Variants in KIF24 observed in about 807,000 individuals in gnomAD.
KIF24 encodes kinesin family member 24.
In KIF24, 81 loss-of-function variants were observed where a neutral mutation model predicts 118.9. The observed-to-expected ratio is 0.68, with a 90% CI of 0.57 to 0.82. The LOEUF is 0.82. KIF24 is among the 40% of genes least tolerant of loss of function. KIF24 has a pLI of 0.00. For synonymous variants in KIF24, 599 were observed against 610.0 expected (o/e 0.98, Z 0.27); for missense variants, 1,560 against 1,661.6 (o/e 0.94, Z 1.06).
Position 34,318,711 on chromosome 9 carries a change from G to A in KIF24, c.-25-7340C>T, listed in dbSNP as rs1383472671. 12 of 1,505,920 alleles carry A rather than the reference G, an allele frequency of 8.0e-6. No homozygotes were observed. Among genetic ancestry groups the A allele is most frequent in the East Asian group, 4.7e-5 (2 of 42,898 alleles). The allele number at this position is 1,505,920 out of a possible 1,614,324, so 93.3% of individuals were successfully genotyped here. A position where few individuals can be genotyped will look rare whatever the true frequency, so the allele number is the denominator to read the frequency against. ...GCAGTGCTGAGTGCCAAGCAGCTGA[G>A]CGACGAGGAGGTGCACGCCGGCGTG... On this transcript the variant is annotated intron_variant, in intron 1 of 12. Coordinates refer to ENST00000402558, the MANE Select transcript of KIF24 (RefSeq NM_194313.4). The surrounding 1 kb of genome is among the most constrained non-coding windows in gnomAD (Gnocchi z 4.9).
At chr9:34,277,009 T>A (rs1835680857) in intron 6 of KIF24, among the ~76,000 whole-genome samples, 1 of 152,226 alleles carries the variant, frequency 6.6e-6, no homozygotes. Context: ...TTACACAGGC[T>A]GGGATGCGAT....
At chr9:34,312,418 G>A (rs1479586564) in intron 1 of KIF24, among the ~76,000 whole-genome samples, 1 of 152,112 alleles carries the variant, frequency 6.6e-6, no homozygotes, top group Admixed American at 6.5e-5. Flanking sequence ...AAGTTCATGA[G>A]AATATCCAAA....
chr9:34,324,248 A>G (rs1837606485), intron 1 of KIF24, among the ~76,000 whole-genome samples: 1 of 152,232 alleles, frequency 6.6e-6, no homozygotes, highest in Non-Finnish European at 1.5e-5. Flanking sequence ...TCCACAGTCG[A>G]GCATCTGAAC....
chr9:34,259,658 G>A lies in KIF24; in HGVS notation c.1563C>T (p.Ala521=). 3.7e-6 allele frequency: 6 copies of A among 1,613,974 alleles called. No individual in the cohort carries two copies. Among genetic ancestry groups the A allele is most frequent in the Non-Finnish European group, 5.1e-6 (6 of 1,179,860 alleles). ...TGGCCACGTGGCTTGGTGAGATGTT[G>A]GCGATCATGCAGGTTTTGGCATTGC... ...FIGNAKTCMI[A]NISPSHVATE... Residue 521 remains alanine (A), a synonymous_variant, in exon 10 of 13, where the codon GCC becomes GCT. Coordinates refer to ENST00000402558, the MANE Select transcript of KIF24 (RefSeq NM_194313.4).
rs1397780693 is a variant in KIF24 at position 34,318,696 on chromosome 9, G to A, written c.-25-7325C>T. On this transcript the variant is annotated intron_variant, in intron 1 of 12. Coordinates refer to ENST00000402558, the MANE Select transcript of KIF24 (RefSeq NM_194313.4). The surrounding 1 kb of genome is among the most constrained non-coding windows in gnomAD (Gnocchi z 4.9). ...GCGTCGGAGGCCAAGGCAGTGCTGA[G>A]TGCCAAGCAGCTGAGCGACGAGGAG... The A allele has an allele frequency of 9.8e-6, 15 of 1,533,326 alleles. No individual in the cohort carries two copies. Among genetic ancestry groups the A allele is most frequent in the Non-Finnish European group, 1.3e-5 (15 of 1,128,726 alleles). 95.0% of individuals were successfully genotyped at this position (1,533,326 alleles called of 1,614,324 possible).
chr9:34,293,502 C>T (rs891128758), intron 4 of KIF24, among the ~76,000 whole-genome samples: 1 of 145,894 alleles, frequency 6.9e-6, no homozygotes, highest in Non-Finnish European at 1.5e-5. Context: ...AGGCCGGACG[C>T]GGTGGCTCAG....
chr9:34,315,609 T>C (rs559954143), intron 1 of KIF24, among the ~76,000 whole-genome samples: 10 of 152,364 alleles, frequency 6.6e-5, no homozygotes, highest in African/African-American at 2.4e-4. Context: ...GGTTCTGCCT[T>C]GTACTACTGT....
In KIF24 at chr9:34,310,862, T is replaced by C. The variant is rs776141190; in HGVS notation, c.485A>G (p.Tyr162Cys). 8.1e-6 allele frequency: 13 copies of C among 1,613,890 alleles called. No individual in the cohort carries two copies. Among genetic ancestry groups the C allele is most frequent in the East Asian group, 4.5e-5 (2 of 44,904 alleles). Residue 162 changes from tyrosine to cysteine, a missense_variant, in exon 2 of 13, where the codon TAT becomes TGT. Coordinates refer to ENST00000402558, the MANE Select transcript of KIF24 (RefSeq NM_194313.4). ...TGAAGTGCTGATTTCTGTTTGCACA[T>C]AGGAATCACCAGCTGTGGCATTCAG... The part of the protein sequence containing the change: ...GILNATAGDS[Y>C]VQTEISTSLF...
chr9:34,259,732 G>A (rs1237740016), intron 9 of KIF24, 27 bp from the exon 10 acceptor site: 1 of 1,478,976 alleles, frequency 6.8e-7, no homozygotes, highest in Non-Finnish European at 9.5e-7. Context: ...GCAGGTCAAT[G>A]AGTGAAGTCA....
chr9:34,306,898 T>C (rs1476783355), intron 2 of KIF24, among the ~76,000 whole-genome samples: 1 of 152,158 alleles, frequency 6.6e-6, no homozygotes, highest in Non-Finnish European at 1.5e-5. Context: ...AAAGTTCTTC[T>C]ATCTCCATCC....
intron 11 of KIF24, among the ~76,000 whole-genome samples, chr9:34,255,424 G>A (rs1563930772): frequency 6.6e-6 from 1 of 152,118 alleles, no homozygotes; most frequent in Non-Finnish European, 1.5e-5. Context: ...CAGCTGTACT[G>A]AGGGGGCAGG....
At chr9:34,330,478 G>A (rs1048227779), upstream of KIF24, among the ~76,000 whole-genome samples, 6 of 152,274 alleles carry the variant, frequency 3.9e-5, no homozygotes, top group South Asian at 1.2e-3. Flanking sequence ...TAGAGTTAAG[G>A]TTAAGATCAT....
intron 10 of KIF24, among the ~76,000 whole-genome samples, chr9:34,259,345 A>G (rs1440820357): frequency 6.6e-6 from 1 of 152,204 alleles, no homozygotes; most frequent in African/African-American, 2.4e-5. Flanking sequence ...ACTCCTGAAC[A>G]AGGGAATGTG....
intron 9 of KIF24, among the ~76,000 whole-genome samples, chr9:34,262,662 AAAAAAAAAAAAAAATATATATATATATAT>A (rs1563936512): frequency 2.0e-5 from 1 of 50,338 alleles, no homozygotes; most frequent in African/African-American, 7.7e-5. Context: ...AAAAAAAAAA[AAAAAAAAAAAAAAATATATATATATATAT>A]ATATATATAT....
chr9:34,302,655 G>T (rs760345166), intron 3 of KIF24, among the ~76,000 whole-genome samples: 4 of 151,474 alleles, frequency 2.6e-5, no homozygotes, highest in South Asian at 2.1e-4. Context: ...TAAAAGAGAC[G>T]GAGTTTCACC....
intron 9 of KIF24, among the ~76,000 whole-genome samples, chr9:34,262,356 T>C (rs1835086804): frequency 6.6e-6 from 1 of 152,044 alleles, no homozygotes; most frequent in African/African-American, 2.4e-5. Context: ...TAAAGTCCTA[T>C]GACAGGCTGA....
intron 1 of KIF24, among the ~76,000 whole-genome samples, chr9:34,312,094 T>C (rs993642545): frequency 3.3e-5 from 5 of 152,326 alleles, no homozygotes; most frequent in South Asian, 2.1e-4. Context: ...CAAAGGAAGA[T>C]AGCATTTGCA....
At chr9:34,255,586 C>A in intron 11 of KIF24, 149 bp downstream of exon 11, 1 of 693,482 alleles carries the variant, frequency 1.4e-6, no homozygotes, top group Non-Finnish European at 2.4e-6. Flanking sequence ...GTGGAGGGCC[C>A]GGGACCAAAG....
intron 3 of KIF24, 47 bp from the exon 4 acceptor site, chr9:34,297,161 T>C: frequency 1.8e-6 from 2 of 1,111,398 alleles, no homozygotes; most frequent in Non-Finnish European, 2.7e-6. Context: ...TTCTGGATTT[T>C]CTTAATCACT....
Sources: allele counts gnomAD v4.1 joint callset (sites outside exome capture counted in the v4.1 genomes callset), GRCh38; gene constraint gnomAD v4.1.1; non-coding constraint Gnocchi (gnomAD v3.1); transcripts MANE v1.5; gene names NCBI Gene and HGNC (gene_info 2026-07-23, HGNC 2026-07-21).